Variants in RADIL observed in about 807,000 individuals in gnomAD.
The protein encoded by RADIL is Rap associating with DIL domain, also known as ras-associating and dilute domain-containing protein.
RADIL carries 99 observed loss-of-function variants against 97.6 expected under a neutral mutation model. The ratio of observed to expected loss-of-function variants is 1.01; its 90% CI spans 0.86 to 1.20. The LOEUF (loss-of-function observed/expected upper bound fraction) is 1.20. Among genes scored for constraint, RADIL ranks in the 50% most tolerant of loss-of-function variants. The pLI, the probability that RADIL is intolerant of heterozygous loss-of-function variation, is 0.00. For synonymous variants in RADIL, 803 were observed against 691.8 expected (o/e 1.16, Z -2.52); for missense variants, 1,765 against 1,498.9 (o/e 1.18, Z -2.93).
chr7:4,871,764 C>T (rs540418594), intron 2 of RADIL, among the ~76,000 whole-genome samples: 1 of 152,326 alleles, frequency 6.6e-6, no homozygotes, highest in South Asian at 2.1e-4. Context: ...CTCCTCTCCT[C>T]AGGGCACCAA....
intron 9 of RADIL, chr7:4,808,602 C>T (rs1318573186): frequency 6.1e-6 from 6 of 985,370 alleles, no homozygotes; most frequent in Non-Finnish European, 7.2e-6. Flanking sequence ...ACAGCTTGGC[C>T]CTTTACAAGA....
chr7:4,877,479 C>T lies in RADIL; in HGVS notation c.535+126G>A, dbSNP rs919283207. On this transcript the variant is annotated intron_variant, in intron 2 of 14. Transcript: ENST00000399583. The stretch of plus-strand genomic sequence containing the variant: ...CTTCAAACATCCAGGACACGGGCTC[C>T]GACTGCCTCCTGCAGAGCGAGCCCG... 7 of 1,050,124 alleles carry T rather than the reference C, an allele frequency of 6.7e-6. No individual in the cohort carries two copies. In the South Asian group the frequency reaches 8.1e-5, roughly 12 times the overall value. 65.1% of individuals were successfully genotyped at this position (1,050,124 alleles called of 1,614,324 possible). A position where few individuals can be genotyped will look rare whatever the true frequency, so the allele number is the denominator to read the frequency against.
chr7:4,802,740 G>A (rs1404659658), intron 11 of RADIL, among the ~76,000 whole-genome samples: 11 of 93,936 alleles, frequency 1.2e-4, no homozygotes, highest in African/African-American at 2.3e-4. Context: ...CGCTGGCTGG[G>A]CCCCCTCCCC....
chr7:4,875,140 C>G lies in RADIL; in HGVS notation c.535+2465G>C, dbSNP rs1424828253. Among the ~76,000 whole-genome samples the G allele has an allele frequency of 2.2e-5, 3 of 139,270 alleles. 1 individual carries two copies. The highest frequency in any genetic ancestry group is 1.4e-4 in the Admixed American group (2 of 14,670). 91.4% of individuals were successfully genotyped at this position (139,270 alleles called of 152,430 possible). A position where few individuals can be genotyped will look rare whatever the true frequency, so the allele number is the denominator to read the frequency against. ...CCGGGAGGCGGAGCTTGCAGTGAGC[C>G]GAGATTGTGCCACTGCACTCCAGCC... On this transcript the variant is annotated intron_variant, in intron 2 of 14. Transcript: ENST00000399583.
intron 11 of RADIL, 23 bp downstream of exon 11, chr7:4,803,523 T>TG: frequency 6.6e-7 from 1 of 1,512,906 alleles, no homozygotes; most frequent in South Asian, 1.2e-5. Flanking sequence ...GCACGCTGGC[T>TG]GGGGGGCCCC....
At chr7:4,850,336 G>A (rs985271429) in intron 2 of RADIL, among the ~76,000 whole-genome samples, 1 of 151,986 alleles carries the variant, frequency 6.6e-6, no homozygotes, top group Non-Finnish European at 1.5e-5. Context: ...GGTCACTATG[G>A]TGGGCAGAAT....
Position 4,817,450 on chromosome 7 carries a change from C to G in RADIL, c.1616-99G>C. On this transcript the variant is annotated intron_variant, in intron 6 of 14. Transcript: ENST00000399583. This position sits in a 1 kb window ranked among gnomAD's most constrained non-coding sequence, Gnocchi z 8.3. ...AGCTCTTTCCCTGGCGCGGGCACCA[C>G]CCAACGCGCCCATCTGGGGTCCAGA... 1 of 1,005,882 alleles carries G rather than the reference C, an allele frequency of 9.9e-7. No individual in the cohort carries two copies. The highest frequency in any genetic ancestry group is 1.6e-5 in the South Asian group (1 of 63,688). The allele number at this position is 1,005,882 out of a possible 1,614,324, so 62.3% of individuals were successfully genotyped here.
chr7:4,864,275 T>C (rs1456219572), intron 2 of RADIL, among the ~76,000 whole-genome samples: 4 of 152,168 alleles, frequency 2.6e-5, no homozygotes, highest in African/African-American at 7.2e-5. Context: ...TCCACATGTC[T>C]GGCCAGTCCT....
At position 4,827,362 on chromosome 7, in the gene RADIL, C is replaced by CAA. The variant is rs75389601; in HGVS notation, c.1454+4777_1454+4778dup. Among the ~76,000 whole-genome samples, 68 of 107,246 alleles carry CAA rather than the reference C, an allele frequency of 6.3e-4. 1 individual carries two copies. Among genetic ancestry groups the CAA allele is most frequent in the African/African-American group, 2.0e-3 (63 of 31,084 alleles). 70.4% of individuals were successfully genotyped at this position (107,246 alleles called of 152,430 possible). ...CGTAGACGACAGAGCGAGACTGTCT[C>CAA]AAAAAAAAAAAAAAGGGCCGGGTGC... On this transcript the variant is annotated intron_variant, in intron 5 of 14. Transcript: ENST00000399583.
At chr7:4,833,835 A>T (rs1783215209) in intron 4 of RADIL, among the ~76,000 whole-genome samples, 1 of 152,130 alleles carries the variant, frequency 6.6e-6, no homozygotes, top group East Asian at 1.9e-4. Flanking sequence ...TCCAGCACTC[A>T]TGGGCCCAGG....
At chr7:4,882,901 G>A (rs1364716890) in intron 1 of RADIL, among the ~76,000 whole-genome samples, 1 of 149,904 alleles carries the variant, frequency 6.7e-6, no homozygotes, top group Non-Finnish European at 1.5e-5. Flanking sequence ...ACACTTGACA[G>A]GCGACAGGGC....
intron 2 of RADIL, chr7:4,861,263 A>C: frequency 6.8e-6 from 11 of 1,614,162 alleles, no homozygotes; most frequent in Non-Finnish European, 7.6e-6. Context: ...TCTTAAGTCC[A>C]AATCTTCTGG....
chr7:4,803,591 G>A lies in RADIL; in HGVS notation c.2454C>T (p.Ser818=). The A allele has an allele frequency of 1.3e-6, 2 of 1,546,404 alleles. No homozygotes were observed. Among genetic ancestry groups the A allele is most frequent in the Non-Finnish European group, 1.7e-6 (2 of 1,145,502 alleles). Residue 818 remains serine (S), a synonymous_variant, in exon 11 of 15, where the codon AGC becomes AGT. Coordinates refer to ENST00000399583, the MANE Select transcript of RADIL (RefSeq NM_018059.5). Reference sequence around the variant, plus strand: ...AGGCCCCACTGCCAGGCCTGCCAGGGCTGCCGGGGCTGGCTCTGCTCCGCA... The same window carrying A: ...AGGCCCCACTGCCAGGCCTGCCAGGACTGCCGGGGCTGGCTCTGCTCCGCA... ...WGLRSRASPG[S]PGRPGSGASQ...
Position 4,799,495 on chromosome 7 carries a change from G to A in RADIL, c.3123-12C>T, listed in dbSNP as rs1218805352. The A allele has an allele frequency of 6.2e-7, 1 of 1,613,804 alleles. No homozygotes were observed. On this transcript the variant is annotated splice_polypyrimidine_tract_variant and intron_variant, in intron 14 of 14. Transcript: ENST00000399583. ...TCAGGTCCACAGCTCTGAAATCCAT[G>A]CCAGAGGTGGGGGTGGGCAGGAGGG...
intron 2 of RADIL, among the ~76,000 whole-genome samples, chr7:4,850,216 TAAAAAA>T (rs34276261): frequency 2.2e-4 from 19 of 88,068 alleles, no homozygotes; most frequent in African/African-American, 7.2e-4. Flanking sequence ...ACGATCCCTT[TAAAAAA>T]AAAAAAAAAA....
chr7:4,847,178 G>A (rs1783594194), intron 2 of RADIL, among the ~76,000 whole-genome samples: 1 of 151,940 alleles, frequency 6.6e-6, no homozygotes, highest in Admixed American at 6.6e-5. Context: ...AAAATTCCCT[G>A]GGTGTGGTAG....
intron 2 of RADIL, chr7:4,865,715 C>G: frequency 9.7e-7 from 1 of 1,034,044 alleles, no homozygotes; most frequent in Non-Finnish European, 1.5e-6. Flanking sequence ...ATTCCATCTT[C>G]TACGGGGTGG....
Position 4,835,063 on chromosome 7 carries a change from G to A in RADIL, c.960C>T (p.Ile320=). Residue 320 remains isoleucine, a synonymous_variant, in exon 4 of 15, where the codon ATC becomes ATT. Transcript: ENST00000399583. This position sits in a 1 kb window ranked among gnomAD's most constrained non-coding sequence, Gnocchi z 5.8. ...AGTTGACGGAGATGTGCGCCCCGGG[G>A]ATGGGCTCCAGGACCAGCCTCCCCG... ...QAAGRLVLEP[I]PGAHISVNFS... The A allele has an allele frequency of 1.2e-6, 2 of 1,608,168 alleles. No homozygotes were observed. Among genetic ancestry groups the A allele is most frequent in the Non-Finnish European group, 1.7e-6 (2 of 1,177,874 alleles).
Position 4,836,524 on chromosome 7 carries a change from G to A in RADIL, c.617C>T (p.Ser206Phe), listed in dbSNP as rs777510897. ...TGTGCGGCGCAACCGGGGTGGAGGAGAGCTCCGGGCATCCCCCAGGGCCGG... is the reference window on the plus strand; with the variant it reads ...TGTGCGGCGCAACCGGGGTGGAGGAAAGCTCCGGGCATCCCCCAGGGCCGG... ...PTPALGDARS[S>F]PPPRLRRTVS... Residue 206 changes from serine to phenylalanine, a missense_variant, in exon 3 of 15, where the codon TCT (serine) becomes TTT (phenylalanine). Physicochemically the swap from Ser to Phe is radical, Grantham distance 155 (BLOSUM62 -2). Transcript: ENST00000399583. 2.3e-5 allele frequency: 37 copies of A among 1,607,378 alleles called. No homozygotes were observed. The highest frequency in any genetic ancestry group is 3.1e-5 in the Non-Finnish European group (36 of 1,179,170).
Sources: allele counts gnomAD v4.1 joint callset (sites outside exome capture counted in the v4.1 genomes callset), GRCh38; gene constraint gnomAD v4.1.1; non-coding constraint Gnocchi (gnomAD v3.1); transcripts MANE v1.5; gene names NCBI Gene and HGNC (gene_info 2026-07-23, HGNC 2026-07-21).